Variants in GMNC observed in about 807,000 individuals in gnomAD.
GMNC encodes the protein geminin coiled-coil domain containing, also known as geminin coiled-coil domain-containing protein 1.
Under a neutral mutation model 33.6 loss-of-function variants are expected in GMNC, and 16 were observed. That is an observed-to-expected ratio of 0.48 (90% confidence interval 0.32 to 0.72). The LOEUF (loss-of-function observed/expected upper bound fraction) is 0.72. Among genes scored for constraint, GMNC ranks in the 30% least tolerant of loss-of-function variants. The pLI, the probability that GMNC is intolerant of heterozygous loss-of-function variation, is 0.03. For missense variants in GMNC, 393 were observed against 388.9 expected (o/e 1.01, Z -0.09); for synonymous variants, 156 against 147.3 (o/e 1.06, Z -0.43).
downstream of GMNC, among the ~76,000 whole-genome samples, chr3:190,849,453 T>C (rs1737600636): frequency 6.6e-6 from 1 of 152,198 alleles, no homozygotes; most frequent in South Asian, 2.1e-4. Context: ...GTTTTGCCTT[T>C]TGCCTGATTA....
intron 2 of GMNC, among the ~76,000 whole-genome samples, chr3:190,859,467 G>T (rs1737816292): frequency 6.6e-6 from 1 of 152,076 alleles, no homozygotes; most frequent in Admixed American, 6.6e-5. Context: ...ATTCTAGTCT[G>T]TAATGCTACT....
At chr3:190,849,132 C>T (rs1265546157), downstream of GMNC, among the ~76,000 whole-genome samples, 1 of 152,128 alleles carries the variant, frequency 6.6e-6, no homozygotes, top group Non-Finnish European at 1.5e-5. Flanking sequence ...AGGAAGCAGC[C>T]TGCTAATTAC....
downstream of GMNC, among the ~76,000 whole-genome samples, chr3:190,852,453 C>T (rs946532869): frequency 3.9e-5 from 6 of 151,966 alleles, no homozygotes; most frequent in South Asian, 2.1e-4. Context: ...TTTCCAGATA[C>T]GAGTGAGATA....
chr3:190,855,269 A>G lies in GMNC; in HGVS notation c.*26T>C. On this transcript the variant is annotated 3_prime_UTR_variant, in exon 5 of 5. Transcript: ENST00000442080. Reference sequence around the variant, plus strand: ...GGTCTTTGTAAACAGAGTTCGTGGCAGTGCTTTGTGATAAAAGAGGGGTCA... The same window carrying G: ...GGTCTTTGTAAACAGAGTTCGTGGCGGTGCTTTGTGATAAAAGAGGGGTCA... The G allele has an allele frequency of 6.5e-7, 1 of 1,546,408 alleles. No individual in the cohort carries two copies. Among genetic ancestry groups the G allele is most frequent in the Non-Finnish European group, 8.7e-7 (1 of 1,143,652 alleles).
rs905693591 is a variant in GMNC, at chr3:190,855,356, G to C, written c.944C>G (p.Ala315Gly). 6.4e-7 allele frequency: 1 copy of C among 1,551,756 alleles called. No homozygotes were observed. Among genetic ancestry groups the C allele is most frequent in the Non-Finnish European group, 8.7e-7 (1 of 1,146,920 alleles). The part of the protein sequence containing the change: ...VKTHSFHQGQ[A>G]FVRRDEEGGW... ...TCCCTCCTCATCTCGACGCACAAAG[G>C]CTTGTCCCTGGTGGAAGGAATGAGT... The change falls in exon 5 of 5, where the codon GCC becomes GGC. Residue 315 changes from alanine to glycine, a missense_variant. Physicochemically the swap from Ala to Gly is moderately conservative, Grantham distance 60. Transcript: ENST00000442080.
At chr3:190,848,685 T>G (rs1737587891), downstream of GMNC, among the ~76,000 whole-genome samples, 1 of 149,242 alleles carries the variant, frequency 6.7e-6, no homozygotes, top group Non-Finnish European at 1.5e-5. Context: ...AGATCGAGGA[T>G]GTATGATAGA....
In GMNC at chr3:190,855,317, G is replaced by A. The variant is rs552371392; in HGVS notation, c.983C>T (p.Thr328Ile). 2.6e-6 allele frequency: 4 copies of A among 1,551,452 alleles called. No individual in the cohort carries two copies. In the African/African-American group the frequency reaches 4.1e-5, roughly 16 times the overall value. ...TCACTAAGACTGCTTAGGGACCCAGGTAAACTTCCAGCCTCCCTCCTCATC... is the reference window on the plus strand; with the variant it reads ...TCACTAAGACTGCTTAGGGACCCAGATAAACTTCCAGCCTCCCTCCTCATC... ...RRDEEGGWKFTWVPKQS is the reference protein window; with the variant it reads ...RRDEEGGWKFIWVPKQS Residue 328 changes from threonine to isoleucine, a missense_variant, in exon 5 of 5, where the codon ACC becomes ATC. Thr to Ile is a moderately conservative substitution (Grantham distance 89). Transcript: ENST00000442080.
In GMNC at chr3:190,860,673, G is replaced by A. The variant is rs1737842208; in HGVS notation, c.178+11C>T. Reference sequence around the variant, plus strand: ...CCAGATCTATCAGGGAAGCAGAAGAGCAGAACTTACCCTGTGCCTGTGGTG... The same window carrying A: ...CCAGATCTATCAGGGAAGCAGAAGAACAGAACTTACCCTGTGCCTGTGGTG... On this transcript the variant is annotated intron_variant, in intron 2 of 4. Coordinates refer to ENST00000442080, the MANE Select transcript of GMNC (RefSeq NM_001146686.3). The A allele has an allele frequency of 1.3e-6, 2 of 1,543,712 alleles. No individual in the cohort carries two copies. The highest frequency in any genetic ancestry group is 1.8e-6 in the Non-Finnish European group (2 of 1,142,438).
chr3:190,852,961 G>T lies in GMNC; in HGVS notation c.*2334C>A, dbSNP rs1737659055. The T allele has an allele frequency of 6.6e-6, 1 of 152,064 alleles. No homozygotes were observed. Among genetic ancestry groups the T allele is most frequent in the African/African-American group, 2.4e-5 (1 of 41,420 alleles). The allele number at this position is 152,064 out of a possible 1,614,324, so 9.4% of individuals were successfully genotyped here. On this transcript the variant is annotated 3_prime_UTR_variant, in exon 5 of 5. Coordinates refer to ENST00000442080, the MANE Select transcript of GMNC (RefSeq NM_001146686.3). ...TTTAAATGGATATTAAATATTTATA[G>T]ACATGATTTCAAAAACGTGGTAATT...
chr3:190,855,561 C>G lies in GMNC; in HGVS notation c.739G>C (p.Gly247Arg). ...CTGTGCAAGGGGGTTGTTCTGTCAC[C>G]TCTATAGTCAATTGGCATATCCTCT... The part of the protein sequence containing the change: ...PREDMPIDYR[G>R]DRTTPLHSTA... The change falls in exon 5 of 5, where the codon GGT becomes CGT. Residue 247 changes from glycine to arginine, a missense_variant. Gly to Arg is a moderately radical substitution (Grantham distance 125). Transcript: ENST00000442080. 5.2e-6 allele frequency: 8 copies of G among 1,551,560 alleles called. No individual in the cohort carries two copies. Among genetic ancestry groups the G allele is most frequent in the Non-Finnish European group, 7.0e-6 (8 of 1,146,900 alleles).
the GMNC span, among the ~76,000 whole-genome samples, chr3:190,846,283 T>A: frequency 6.6e-6 from 1 of 152,082 alleles, no homozygotes; most frequent in African/African-American, 2.4e-5. Flanking sequence ...AACCTTCATA[T>A]GAAGAGGTAA....
downstream of GMNC, among the ~76,000 whole-genome samples, chr3:190,849,964 T>A (rs1280782348): frequency 6.6e-6 from 1 of 152,236 alleles, no homozygotes; most frequent in East Asian, 1.9e-4. Flanking sequence ...ACACTGCTAC[T>A]TTAGGCTTTA....
Position 190,854,448 on chromosome 3 carries a change from G to A in GMNC, c.*847C>T, listed in dbSNP as rs1737690589. 6.6e-6 allele frequency: 1 copy of A among 152,104 alleles called. No homozygotes were observed. Among genetic ancestry groups the A allele is most frequent in the Non-Finnish European group, 1.5e-5 (1 of 68,010 alleles). The allele number at this position is 152,104 out of a possible 1,614,324, so 9.4% of individuals were successfully genotyped here. On this transcript the variant is annotated 3_prime_UTR_variant, in exon 5 of 5. Transcript: ENST00000442080. ...CGAATGAATGAATGAATGAGACAATGGCTGAGCTAGGTTAGTCTATTTTCA... is the reference window on the plus strand; with the variant it reads ...CGAATGAATGAATGAATGAGACAATAGCTGAGCTAGGTTAGTCTATTTTCA...
At position 190,855,396 on chromosome 3, in the gene GMNC, G is replaced by A. The variant is rs950393096; in HGVS notation, c.904C>T (p.His302Tyr). The change falls in exon 5 of 5, where the codon CAT (histidine) becomes TAT (tyrosine). Residue 302 changes from histidine to tyrosine, a missense_variant. Physicochemically the swap from His to Tyr is moderately conservative, Grantham distance 83. Transcript: ENST00000442080. ...AAGGAATGAGTTTTCACATTACAAT[G>A]AGGGCTCAGGGATGTGGAAAATGCC... The part of the protein sequence containing the change: ...EMAFSTSLSP[H>Y]CNVKTHSFHQ... 6 of 1,551,900 alleles carry A rather than the reference G, an allele frequency of 3.9e-6. No individual in the cohort carries two copies. The African/African-American group carries it at 4.1e-5, about 11-fold the overall frequency.
downstream of GMNC, among the ~76,000 whole-genome samples, chr3:190,851,091 C>G (rs7340608): frequency 0.38 from 57,981 of 152,008 alleles, 12,037 homozygotes; most frequent in African/African-American, 0.54. Context: ...ATCACTGTCT[C>G]TTGATATTAA....
the GMNC span, among the ~76,000 whole-genome samples, chr3:190,847,088 T>G: frequency 1.1e-4 from 16 of 152,360 alleles, no homozygotes; most frequent in South Asian, 6.2e-4. Context: ...GTTTAGTCTA[T>G]TCTTACTCAA....
chr3:190,858,850 G>T, intron 3 of GMNC, 78 bp downstream of exon 3: 1 of 828,162 alleles, frequency 1.2e-6, no homozygotes. Context: ...TTTCAAAAGG[G>T]AAAAGAAGCA....
chr3:190,849,358 C>T (rs1737599172), downstream of GMNC, among the ~76,000 whole-genome samples: 1 of 108,632 alleles, frequency 9.2e-6, no homozygotes, highest in Non-Finnish European at 1.7e-5. Context: ...CCCAAGACTC[C>T]CTGTGGGCCA....
At chr3:190,845,597 C>T in the GMNC span, among the ~76,000 whole-genome samples, 2 of 150,694 alleles carry the variant, frequency 1.3e-5, no homozygotes, top group African/African-American at 4.9e-5. Flanking sequence ...GCAACCTCCG[C>T]TTCCCGGGTT....
Sources: allele counts gnomAD v4.1 joint callset (sites outside exome capture counted in the v4.1 genomes callset), GRCh38; gene constraint gnomAD v4.1.1; transcripts MANE v1.5; gene names NCBI Gene and HGNC (gene_info 2026-07-23, HGNC 2026-07-21).